PHLPP1: variants seen among roughly 807,000 people sequenced by gnomAD.
The protein encoded by PHLPP1 is PH domain leucine-rich repeat-containing protein phosphatase 1.
PHLPP1 carries 42 observed loss-of-function variants against 117.2 expected under a neutral mutation model. The observed-to-expected ratio is 0.36, with a 90% CI of 0.28 to 0.46. PHLPP1 has a LOEUF of 0.46. PHLPP1 is among the 20% of genes least tolerant of loss of function. PHLPP1 has a pLI of 1.00. For missense variants in PHLPP1, 2,084 were observed against 2,241.9 expected, an observed-to-expected ratio of 0.93 and a Z score of 1.42; for synonymous variants, 1,042 against 970.7, an observed-to-expected ratio of 1.07 and a Z score of -1.37.
intron 12 of PHLPP1, among the ~76,000 whole-genome samples, chr18:62,951,863 C>G (rs919842046): frequency 1.4e-5 from 2 of 143,982 alleles, no homozygotes; most frequent in African/African-American, 2.6e-5. Flanking sequence ...CGCCCAGGCT[C>G]GAGTGCAATG....
At chr18:62,905,885 C>T (rs908967245) in intron 8 of PHLPP1, among the ~76,000 whole-genome samples, 3 of 152,190 alleles carry the variant, frequency 2.0e-5, no homozygotes, top group Admixed American at 2.0e-4. Context: ...TTGCGGTTCC[C>T]ACAAATATTA....
intron 1 of PHLPP1, among the ~76,000 whole-genome samples, chr18:62,818,299 G>A (rs961892451): frequency 6.6e-6 from 1 of 152,096 alleles, no homozygotes; most frequent in African/African-American, 2.4e-5. Context: ...GGGAAGCCAA[G>A]GCAGGTGGAT....
At chr18:62,759,659 A>G (rs1406791090) in intron 1 of PHLPP1, among the ~76,000 whole-genome samples, 1 of 152,198 alleles carries the variant, frequency 6.6e-6, no homozygotes, top group Non-Finnish European at 1.5e-5. Flanking sequence ...TAATAACGAA[A>G]TGACTAATTC....
chr18:62,875,858 G>C (rs1457518248), intron 4 of PHLPP1, among the ~76,000 whole-genome samples: 1 of 151,850 alleles, frequency 6.6e-6, no homozygotes, highest in Non-Finnish European at 1.5e-5. Flanking sequence ...TCAGCCTCCT[G>C]AGTAGCTGGG....
chr18:62,872,150 A>G (rs936182715), intron 4 of PHLPP1, among the ~76,000 whole-genome samples: 9 of 152,336 alleles, frequency 5.9e-5, no homozygotes, highest in Middle Eastern at 3.4e-3. Flanking sequence ...AGGAACCCCC[A>G]TGGGAAAATG....
intron 1 of PHLPP1, among the ~76,000 whole-genome samples, chr18:62,823,636 A>G (rs935751930): frequency 3.2e-5 from 4 of 125,830 alleles, no homozygotes; most frequent in African/African-American, 1.1e-4. Context: ...ATATGTAGAT[A>G]TATATAGATA....
intron 8 of PHLPP1, among the ~76,000 whole-genome samples, chr18:62,908,972 C>G (rs531147901): frequency 4.3e-5 from 1 of 23,524 alleles, no homozygotes; most frequent in Non-Finnish European, 8.3e-5. Context: ...TGCAATCAAA[C>G]TAGAACTCAG....
At position 62,975,517 on chromosome 18, in the gene PHLPP1, A is replaced by G. The variant is rs776041077; in HGVS notation, c.3876A>G (p.Gln1292=). The change falls in exon 16 of 17, where the codon CAA becomes CAG. Residue 1292 remains glutamine, a synonymous_variant. Transcript: ENST00000262719. ...TLTSANVGKC[Q]TVLCRNGKPL... The stretch of plus-strand genomic sequence containing the variant: ...CCTCTGCTAATGTGGGCAAGTGCCA[A>G]ACAGTTCTCTGTCGAAATGGAAAGC... The G allele has an allele frequency of 1.9e-6, 3 of 1,613,872 alleles. No individual in the cohort carries two copies. Among genetic ancestry groups the G allele is most frequent in the Admixed American group, 3.3e-5 (2 of 60,026 alleles).
chr18:62,805,868 A>G (rs1913935286), intron 1 of PHLPP1, among the ~76,000 whole-genome samples: 1 of 151,744 alleles, frequency 6.6e-6, no homozygotes, highest in Admixed American at 6.6e-5. Flanking sequence ...CCATGCATAT[A>G]GATTGCCAGT....
chr18:62,787,359 G>T (rs781190687), intron 1 of PHLPP1, among the ~76,000 whole-genome samples: 42 of 152,086 alleles, frequency 2.8e-4, no homozygotes, highest in African/African-American at 9.2e-4. Flanking sequence ...ATAGAGACGG[G>T]TTTTCGCCAT....
At chr18:62,748,031 A>G (rs529002973) in intron 1 of PHLPP1, among the ~76,000 whole-genome samples, 1 of 152,180 alleles carries the variant, frequency 6.6e-6, no homozygotes, top group East Asian at 1.9e-4. Flanking sequence ...GGTACATTCT[A>G]ATTGTTGGGT....
intron 3 of PHLPP1, among the ~76,000 whole-genome samples, chr18:62,855,378 T>G (rs1468984966): frequency 1.2e-4 from 18 of 152,306 alleles, no homozygotes; most frequent in Admixed American, 1.2e-3. Context: ...TTTTCTCATT[T>G]GGGAATCAAG....
At chr18:62,819,252 T>C (rs954200797) in intron 1 of PHLPP1, among the ~76,000 whole-genome samples, 3 of 152,232 alleles carry the variant, frequency 2.0e-5, no homozygotes, top group African/African-American at 7.2e-5. Context: ...ATATTGGTAA[T>C]GGAAATGGAA....
At chr18:62,733,650 G>A (rs1216895576) in intron 1 of PHLPP1, among the ~76,000 whole-genome samples, 1 of 152,142 alleles carries the variant, frequency 6.6e-6, no homozygotes, top group Admixed American at 6.5e-5. Context: ...CAATTTGAGG[G>A]CATGTTTGTG....
chr18:62,926,312 T>C (rs1251266933), intron 10 of PHLPP1, among the ~76,000 whole-genome samples: 2 of 152,218 alleles, frequency 1.3e-5, no homozygotes, highest in African/African-American at 4.8e-5. Flanking sequence ...GTTGGAGTTC[T>C]GGTGGCAAAC....
At chr18:62,842,041 ACTTAC>A (rs1340609147) in intron 3 of PHLPP1, among the ~76,000 whole-genome samples, 2 of 152,132 alleles carry the variant, frequency 1.3e-5, no homozygotes, top group African/African-American at 4.8e-5. Flanking sequence ...TAATAATAGT[ACTTAC>A]CTTTTAGGGC....
intron 4 of PHLPP1, among the ~76,000 whole-genome samples, chr18:62,863,341 C>T (rs1006957216): frequency 6.6e-6 from 1 of 152,084 alleles, no homozygotes; most frequent in Non-Finnish European, 1.5e-5. Flanking sequence ...GCTGGGATTA[C>T]AGGCATGCAC....
At chr18:62,739,004 A>G (rs1911445869) in intron 1 of PHLPP1, among the ~76,000 whole-genome samples, 1 of 152,198 alleles carries the variant, frequency 6.6e-6, no homozygotes, top group African/African-American at 2.4e-5. Flanking sequence ...GCGAGCAGGA[A>G]TTGGTTTTAG....
intron 3 of PHLPP1, chr18:62,842,947 G>A (rs969248767): frequency 2.0e-5 from 3 of 152,316 alleles, no homozygotes; most frequent in South Asian, 4.1e-4. Context: ...TCTAGGGAGA[G>A]TAGACTAGAA....
Sources: gnomAD v4.1 joint callset for allele counts (sites outside exome capture counted in the v4.1 genomes callset) on GRCh38, gnomAD v4.1.1 for gene constraint, MANE v1.5 for transcripts, NCBI Gene and HGNC (gene_info 2026-07-23, HGNC 2026-07-21) for gene names.